The following KSR1 variants were observed in gnomAD, a reference collection of about 807,000 sequenced individuals.
The protein encoded by KSR1 is kinase suppressor of ras.
In KSR1, 35 loss-of-function variants were observed where a neutral mutation model predicts 92.9. That is an observed-to-expected ratio of 0.38 (90% CI 0.29 to 0.50). The LOEUF is 0.50. Among genes scored for constraint, KSR1 ranks in the 20% least tolerant of loss-of-function variants. The probability of loss-of-function intolerance (pLI) is 0.94; values close to 1 mark genes in which losing one functional copy is unlikely to be tolerated. For synonymous variants in KSR1, 467 were observed against 472.6 expected (o/e 0.99, Z 0.15); for missense variants, 972 against 1,158.5 (o/e 0.84, Z 2.34).
intron 9 of KSR1, 22 bp from the exon 10 acceptor site, chr17:27,597,246 C>T (rs779307088): frequency 2.2e-5 from 34 of 1,560,942 alleles, no homozygotes; most frequent in Admixed American, 9.7e-5. Flanking sequence ...CCCTGCCATT[C>T]CCAACATCTC....
intron 12 of KSR1, among the ~76,000 whole-genome samples, chr17:27,604,325 G>T (rs1487001223): frequency 1.3e-5 from 2 of 152,212 alleles, no homozygotes; most frequent in African/African-American, 4.8e-5. Flanking sequence ...AGGTCACACA[G>T]CTAGGAAGCG....
At chr17:27,478,382 A>G (rs913446765) in intron 1 of KSR1, among the ~76,000 whole-genome samples, 3 of 152,070 alleles carry the variant, frequency 2.0e-5, no homozygotes, top group African/African-American at 7.2e-5. Flanking sequence ...TCCTCATCTG[A>G]GGAATGGGGA....
intron 19 of KSR1, among the ~76,000 whole-genome samples, chr17:27,618,799 C>T (rs922970773): frequency 2.0e-5 from 3 of 152,190 alleles, no homozygotes; most frequent in African/African-American, 7.2e-5. Flanking sequence ...TATGGCCTGC[C>T]ACCTGTGTCT....
At chr17:27,510,684 A>G (rs1372090395) in intron 1 of KSR1, among the ~76,000 whole-genome samples, 1 of 152,232 alleles carries the variant, frequency 6.6e-6, no homozygotes, top group Non-Finnish European at 1.5e-5. Flanking sequence ...TTCAGAGCAG[A>G]TGCTCTCTTG....
chr17:27,583,166 T>C (rs1016747779), intron 4 of KSR1, 61 bp downstream of exon 4: 1 of 1,184,622 alleles, frequency 8.4e-7, no homozygotes, highest in Admixed American at 2.9e-5. Flanking sequence ...ATCATAAAGA[T>C]ATATGGAAGG....
At chr17:27,490,056 GGT>G (rs1436850761) in intron 1 of KSR1, among the ~76,000 whole-genome samples, 7 of 152,212 alleles carry the variant, frequency 4.6e-5, no homozygotes, top group African/African-American at 1.7e-4. Context: ...AAGATGGTAA[GGT>G]GTCGGGCAAG....
At chr17:27,601,864 GCTTCAC>G (rs894694457) in intron 11 of KSR1, 1 of 1,577,836 alleles carries the variant, frequency 6.3e-7, no homozygotes, top group African/African-American at 1.4e-5. Context: ...CTCTTAGTGG[GCTTCAC>G]CCTTCTGTGC....
intron 2 of KSR1, among the ~76,000 whole-genome samples, chr17:27,553,012 A>G (rs2071452086): frequency 6.6e-6 from 1 of 152,218 alleles, no homozygotes; most frequent in Admixed American, 6.5e-5. Flanking sequence ...GCCACAGAGG[A>G]GTAGAGCCGG....
Position 27,610,145 on chromosome 17 carries a change from G to T in KSR1, c.2304G>T (p.Gly768=). 1 of 1,614,060 alleles carries T rather than the reference G, an allele frequency of 6.2e-7. No individual in the cohort carries two copies. The highest frequency in any genetic ancestry group is 8.5e-7 in the Non-Finnish European group (1 of 1,179,890). The change falls in exon 17 of 21, where the codon GGG becomes GGT. Residue 768 remains glycine, a synonymous_variant. Coordinates refer to ENST00000644974, the MANE Select transcript of KSR1 (RefSeq NM_001394583.1). Reference sequence around the variant, plus strand: ...AGATTGTACGCGAGATGACCCCCGGGAAGGACGAGGATCAGCTGCCATTCT... The same window carrying T: ...AGATTGTACGCGAGATGACCCCCGGTAAGGACGAGGATCAGCTGCCATTCT... ...APEIVREMTP[G]KDEDQLPFSK...
chr17:27,586,301 C>G (rs2072966162), intron 5 of KSR1, among the ~76,000 whole-genome samples: 1 of 152,218 alleles, frequency 6.6e-6, no homozygotes, highest in Admixed American at 6.5e-5. Flanking sequence ...CGGAGGGAGA[C>G]AGCTGTGCCT....
chr17:27,574,911 C>A (rs898690753), intron 2 of KSR1, among the ~76,000 whole-genome samples: 5 of 152,238 alleles, frequency 3.3e-5, no homozygotes, highest in Non-Finnish European at 7.3e-5. Context: ...GCTCTTTGAA[C>A]TCTCTCTGCT....
At chr17:27,573,879 A>G (rs901601718) in intron 2 of KSR1, among the ~76,000 whole-genome samples, 1 of 152,258 alleles carries the variant, frequency 6.6e-6, no homozygotes, top group Non-Finnish European at 1.5e-5. Context: ...TGTTCTGGCA[A>G]ATAGTTTGTA....
At chr17:27,608,067 C>G in intron 15 of KSR1, 57 bp downstream of exon 15, 1 of 1,273,824 alleles carries the variant, frequency 7.9e-7, no homozygotes, top group Non-Finnish European at 1.1e-6. Context: ...GGGCTCTCGG[C>G]TGTTCCTCTC....
intron 1 of KSR1, among the ~76,000 whole-genome samples, chr17:27,516,996 GAAAC>G (rs1729741187): frequency 6.6e-6 from 1 of 152,168 alleles, no homozygotes; most frequent in Admixed American, 6.5e-5. Flanking sequence ...CTGAAAGAAA[GAAAC>G]AAAAACAAAA....
intron 1 of KSR1, among the ~76,000 whole-genome samples, chr17:27,536,532 GT>G (rs1361953713): frequency 6.6e-6 from 1 of 152,134 alleles, no homozygotes; most frequent in Non-Finnish European, 1.5e-5. Flanking sequence ...CCTCCTTATG[GT>G]TTCCAGAATG....
intron 1 of KSR1, among the ~76,000 whole-genome samples, chr17:27,518,071 C>T (rs916710240): frequency 3.3e-5 from 5 of 152,318 alleles, no homozygotes; most frequent in Admixed American, 2.6e-4. Flanking sequence ...GCATCTGTCT[C>T]AGTGAGTGAA....
Position 27,494,349 on chromosome 17 carries a change from C to T in KSR1, c.231+37475C>T, listed in dbSNP as rs116911751. Among the ~76,000 whole-genome samples, 100 of 152,166 alleles carry T rather than the reference C, an allele frequency of 6.6e-4. 1 individual carries two copies. The East Asian group carries it at 0.019, about 29-fold the overall frequency. ...TAAAGTGCAGTTTTGTCTTGCAGTC[C>T]AAGCAGGTGAGCATTCAGGCCTGTG... is the stretch of plus-strand genomic sequence containing the variant. On this transcript the variant is annotated intron_variant, in intron 1 of 20. Transcript: ENST00000644974.
At chr17:27,610,221 G>A in intron 17 of KSR1, 23 bp downstream of exon 17, 1 of 1,613,448 alleles carries the variant, frequency 6.2e-7, no homozygotes, top group Non-Finnish European at 8.5e-7. Context: ...CTGGTGCCCT[G>A]AGGCCAAGTG....
chr17:27,489,949 C>G (rs1256301477), intron 1 of KSR1, among the ~76,000 whole-genome samples: 2 of 152,218 alleles, frequency 1.3e-5, no homozygotes, highest in African/African-American at 4.8e-5. Flanking sequence ...AAGCTTGTTG[C>G]ATACAATTGG....
Sources: gnomAD v4.1 joint callset for allele counts (sites outside exome capture counted in the v4.1 genomes callset) on GRCh38, gnomAD v4.1.1 for gene constraint, MANE v1.5 for transcripts, NCBI Gene and HGNC (gene_info 2026-07-23, HGNC 2026-07-21) for gene names.